Variants in AUTS2 observed in about 807,000 individuals in gnomAD.
AUTS2 encodes autism susceptibility gene 2 protein.
A neutral mutation model predicts 112.4 loss-of-function variants in AUTS2; 17 were observed. That is an observed-to-expected ratio of 0.15 (90% CI 0.10 to 0.23). AUTS2 has a LOEUF of 0.23. AUTS2 is among the 10% of genes least tolerant of loss of function. The pLI is 1.00. For synonymous variants in AUTS2, 751 were observed against 702.7 expected (o/e 1.07, Z -1.09); for missense variants, 1,510 against 1,701.6 (o/e 0.89, Z 1.98).
At chr7:69,985,244 A>G (rs928329445) in intron 2 of AUTS2, among the ~76,000 whole-genome samples, 33 of 151,480 alleles carry the variant, frequency 2.2e-4, no homozygotes, top group Middle Eastern at 3.4e-3. Context: ...AAAAAAAAAA[A>G]AAAGAAAGGA....
intron 4 of AUTS2, among the ~76,000 whole-genome samples, chr7:70,276,465 G>A (rs564534738): frequency 2.0e-4 from 30 of 149,902 alleles, no homozygotes; most frequent in East Asian, 1.8e-3. Flanking sequence ...TGCAACCTCT[G>A]CCTCCCGGGT....
chr7:69,650,160 A>G, intron 1 of AUTS2, among the ~76,000 whole-genome samples: 1 of 152,204 alleles, frequency 6.6e-6, no homozygotes. Flanking sequence ...GGCTATTCCC[A>G]TGCTGTTTTT....
chr7:70,791,040 GA>G lies in AUTS2; in HGVS notation c.*45del. 6.9e-7 allele frequency: 1 copy of G among 1,453,910 alleles called. No individual in the cohort carries two copies. Among genetic ancestry groups the G allele is most frequent in the Non-Finnish European group, 9.0e-7 (1 of 1,107,848 alleles). 90.1% of individuals were successfully genotyped at this position (1,453,910 alleles called of 1,614,324 possible). The stretch of plus-strand genomic sequence containing the variant: ...AACGAGGAAGAAGAAACCCTAGGCA[GA>G]CACCAGGCCAGGCTTGAGAGACAGA... On this transcript the variant is annotated 3_prime_UTR_variant, in exon 19 of 19. Transcript: ENST00000342771.
At position 70,786,187 on chromosome 7, in the gene AUTS2, G is replaced by A. The variant is rs146678594; in HGVS notation, c.2308+149G>A. 0.016 allele frequency: 10,485 copies of A among 667,614 alleles called. 121 individuals are homozygous for A. Among genetic ancestry groups the A allele is most frequent in the Non-Finnish European group, 0.02 (8,112 of 401,018 alleles). 41.4% of individuals were successfully genotyped at this position (667,614 alleles called of 1,614,324 possible). A position where few individuals can be genotyped will look rare whatever the true frequency, so the allele number is the denominator to read the frequency against. The stretch of plus-strand genomic sequence containing the variant: ...ACTGCAAAAGCAGGCCTTCACAGTG[G>A]GGTGAGGTGGAAGTGTGCAGAGCCA... On this transcript the variant is annotated intron_variant, in intron 17 of 18. Coordinates refer to ENST00000342771, the MANE Select transcript of AUTS2 (RefSeq NM_015570.4).
chr7:69,946,714 AT>A (rs1323697433), intron 2 of AUTS2, among the ~76,000 whole-genome samples: 1 of 152,138 alleles, frequency 6.6e-6, no homozygotes, highest in Admixed American at 6.5e-5. Flanking sequence ...ATCATACTCC[AT>A]TTTATGAATA....
At chr7:70,423,523 G>C (rs1218451501) in intron 4 of AUTS2, among the ~76,000 whole-genome samples, 3 of 152,066 alleles carry the variant, frequency 2.0e-5, no homozygotes, top group Non-Finnish European at 4.4e-5. Flanking sequence ...ACTATGCATA[G>C]CATAACTTAC....
chr7:69,952,602 G>A (rs763624849), intron 2 of AUTS2, among the ~76,000 whole-genome samples: 1 of 152,048 alleles, frequency 6.6e-6, no homozygotes, highest in Non-Finnish European at 1.5e-5. Context: ...ATTTTTCCCT[G>A]TTATCAGAAC....
At chr7:70,729,206 G>C (rs964664740) in intron 6 of AUTS2, 7 of 456,398 alleles carry the variant, frequency 1.5e-5, no homozygotes, top group Non-Finnish European at 2.6e-5. Context: ...TGGAGCTCCC[G>C]TGCCGATGGT....
At chr7:69,702,982 A>G (rs1335327299) in intron 1 of AUTS2, among the ~76,000 whole-genome samples, 3 of 152,214 alleles carry the variant, frequency 2.0e-5, no homozygotes, top group Admixed American at 6.5e-5. Context: ...ATTGTTTACA[A>G]GTAACTATTA....
chr7:70,599,738 G>T (rs1244861127), intron 5 of AUTS2, among the ~76,000 whole-genome samples: 1 of 152,146 alleles, frequency 6.6e-6, no homozygotes, highest in African/African-American at 2.4e-5. Context: ...AGCAATACAG[G>T]CCCAGTGACA....
chr7:69,853,477 A>ATT (rs201053322), intron 1 of AUTS2, among the ~76,000 whole-genome samples: 1,826 of 151,982 alleles, frequency 0.012, 13 homozygotes, highest in Non-Finnish European at 0.021. Context: ...CATTGTATAT[A>ATT]TTTTTCATAT....
intron 5 of AUTS2, among the ~76,000 whole-genome samples, chr7:70,636,177 G>A (rs1223815552): frequency 6.6e-6 from 1 of 152,214 alleles, no homozygotes; most frequent in Non-Finnish European, 1.5e-5. Flanking sequence ...ATGAAGCTGT[G>A]TCACGAGGAG....
chr7:70,586,558 T>A (rs1235932528), intron 5 of AUTS2, among the ~76,000 whole-genome samples: 1 of 152,190 alleles, frequency 6.6e-6, no homozygotes, highest in East Asian at 1.9e-4. Context: ...GGAGCATGAC[T>A]GAAGCGTTGC....
At position 70,014,775 on chromosome 7, in the gene AUTS2, G is replaced by C. The variant is rs572866128; in HGVS notation, c.523-103357G>C. 7.2e-5 allele frequency among the ~76,000 whole-genome samples: 11 copies of C among 152,244 alleles called. No homozygotes were observed. In the East Asian group the frequency reaches 2.1e-3, roughly 29 times the overall value. ...TTGTTAATTAGGCATTCTTTTTCTG[G>C]GGCTGGTACAGGATGTTTGAGAATA... is the stretch of plus-strand genomic sequence containing the variant. On this transcript the variant is annotated intron_variant, in intron 2 of 18. Transcript: ENST00000342771.
intron 1 of AUTS2, among the ~76,000 whole-genome samples, chr7:69,619,626 G>A (rs1793563430): frequency 6.6e-6 from 1 of 151,572 alleles, no homozygotes; most frequent in African/African-American, 2.4e-5. Flanking sequence ...TATGTGTTAT[G>A]TGTGGCCTGA....
chr7:70,213,682 G>A (rs1273826644), intron 4 of AUTS2, among the ~76,000 whole-genome samples: 4 of 152,042 alleles, frequency 2.6e-5, no homozygotes, highest in Non-Finnish European at 5.9e-5. Flanking sequence ...GCTCTAAAAC[G>A]ATGGCTCTTG....
chr7:69,785,508 G>A (rs775567549), intron 1 of AUTS2, among the ~76,000 whole-genome samples: 3 of 152,240 alleles, frequency 2.0e-5, no homozygotes, highest in Non-Finnish European at 4.4e-5. Context: ...TCACAAAACT[G>A]TAGTGAGTGA....
chr7:69,730,070 G>A (rs1786723813), intron 1 of AUTS2, among the ~76,000 whole-genome samples: 3 of 135,804 alleles, frequency 2.2e-5, no homozygotes, highest in Admixed American at 7.9e-5. Context: ...CGAACTCCTA[G>A]GCTCAAAGTG....
chr7:70,714,571 A>G (rs1810252090), intron 6 of AUTS2, among the ~76,000 whole-genome samples: 1 of 152,232 alleles, frequency 6.6e-6, no homozygotes, highest in South Asian at 2.1e-4. Context: ...ATCAGGATAC[A>G]AACAGACACA....
Sources: gnomAD v4.1 joint callset for allele counts (sites outside exome capture counted in the v4.1 genomes callset) on GRCh38, gnomAD v4.1.1 for gene constraint, MANE v1.5 for transcripts, NCBI Gene and HGNC (gene_info 2026-07-23, HGNC 2026-07-21) for gene names.